GPC5: variants seen among roughly 807,000 people sequenced by gnomAD.
The protein encoded by GPC5 is glypican-5.
A neutral mutation model predicts 53.9 loss-of-function variants in GPC5; 47 were observed. That is an observed-to-expected ratio of 0.87 (90% CI 0.69 to 1.11). The LOEUF is 1.11. Among genes scored for constraint, GPC5 ranks in the 50% most tolerant of loss-of-function variants. The pLI is 0.00. For missense variants in GPC5, 748 were observed against 713.1 expected (o/e 1.05, Z -0.56); for synonymous variants, 286 against 263.3 (o/e 1.09, Z -0.84).
intron 7 of GPC5, among the ~76,000 whole-genome samples, chr13:92,441,093 A>G (rs1877536029): frequency 6.6e-6 from 1 of 151,878 alleles, no homozygotes; most frequent in South Asian, 2.1e-4. Context: ...TTCTTTTGAG[A>G]CAAAGTCTCA....
chr13:91,458,054 T>C (rs1217670808), intron 2 of GPC5, among the ~76,000 whole-genome samples: 1 of 152,014 alleles, frequency 6.6e-6, no homozygotes, highest in East Asian at 1.9e-4. Flanking sequence ...GGGATGGAAA[T>C]ACTAGAGGGC....
chr13:92,710,306 G>A (rs1223870001), intron 7 of GPC5, among the ~76,000 whole-genome samples: 1 of 151,312 alleles, frequency 6.6e-6, no homozygotes, highest in East Asian at 1.9e-4. Context: ...AATAAATGTT[G>A]AACTCACTAA....
chr13:91,963,587 C>A (rs1466999712), intron 6 of GPC5, among the ~76,000 whole-genome samples: 1 of 152,022 alleles, frequency 6.6e-6, no homozygotes, highest in East Asian at 1.9e-4. Context: ...TACTTTACAG[C>A]AGTTAGACAC....
In GPC5 at chr13:91,443,217, G is replaced by C. The variant is rs566683588; in HGVS notation, c.164-5544G>C. On this transcript the variant is annotated intron_variant, in intron 1 of 7. Coordinates refer to ENST00000377067, the MANE Select transcript of GPC5 (RefSeq NM_004466.6). ...AGCTCCCAATGTGATTGTATTTAGA[G>C]ATGGGGCCTTTAAACAGGTAATTAA... Among the ~76,000 whole-genome samples, 7 of 152,278 alleles carry C rather than the reference G, an allele frequency of 4.6e-5. No individual in the cohort carries two copies. In the East Asian group the frequency reaches 1.2e-3, roughly 25 times the overall value.
chr13:92,614,764 G>A (rs1403549536), intron 7 of GPC5, among the ~76,000 whole-genome samples: 1 of 152,150 alleles, frequency 6.6e-6, no homozygotes, highest in African/African-American at 2.4e-5. Context: ...ATGGGTAGGA[G>A]GAGAGACACT....
chr13:91,540,490 C>A lies in GPC5; in HGVS notation c.325+91568C>A, dbSNP rs9589285. ...AGAGAAATGAAGAGTGACTGCTAAC[C>A]GATACAGGGTGTTTTTTGGGGGTGA... is the stretch of plus-strand genomic sequence containing the variant. On this transcript the variant is annotated intron_variant, in intron 2 of 7. Coordinates refer to ENST00000377067, the MANE Select transcript of GPC5 (RefSeq NM_004466.6). 8.7e-3 allele frequency among the ~76,000 whole-genome samples: 1,320 copies of A among 152,236 alleles called. 16 individuals carry two copies. Among genetic ancestry groups the A allele is most frequent in the African/African-American group, 0.031 (1,275 of 41,516 alleles).
chr13:92,859,505 T>C (rs720514), intron 7 of GPC5, among the ~76,000 whole-genome samples: 15,662 of 152,040 alleles, frequency 0.1, 1,455 homozygotes, highest in African/African-American at 0.25. Context: ...AAATAAGATA[T>C]AAAATTTTCT....
intron 2 of GPC5, among the ~76,000 whole-genome samples, chr13:91,450,876 T>A (rs950205281): frequency 6.6e-6 from 1 of 152,148 alleles, no homozygotes; most frequent in Non-Finnish European, 1.5e-5. Context: ...AAGGCTAACT[T>A]TTCTGGAACC....
chr13:91,943,096 T>A (rs527681325), intron 6 of GPC5, among the ~76,000 whole-genome samples: 2 of 152,248 alleles, frequency 1.3e-5, no homozygotes, highest in African/African-American at 4.8e-5. Context: ...TTTGTACTTG[T>A]ACCATAATTA....
chr13:92,161,989 A>ATG (rs2041992372), intron 7 of GPC5, among the ~76,000 whole-genome samples: 5 of 121,590 alleles, frequency 4.1e-5, no homozygotes, highest in Admixed American at 3.5e-4. Context: ...ATATATATAT[A>ATG]TATATATGAA....
At chr13:91,612,365 C>T (rs923819481) in intron 2 of GPC5, among the ~76,000 whole-genome samples, 4 of 152,154 alleles carry the variant, frequency 2.6e-5, no homozygotes, top group African/African-American at 4.8e-5. Context: ...TGCAGTAAGA[C>T]GCATCCAAAA....
chr13:91,829,762 C>T (rs144066732), intron 5 of GPC5, among the ~76,000 whole-genome samples: 3,427 of 152,000 alleles, frequency 0.023, 74 homozygotes, highest in Middle Eastern at 0.051. Flanking sequence ...CATCACATGT[C>T]GGTAGGTTCC....
intron 2 of GPC5, among the ~76,000 whole-genome samples, chr13:91,674,605 A>G (rs367967705): frequency 6.8e-6 from 1 of 147,226 alleles, no homozygotes; most frequent in Non-Finnish European, 1.5e-5. Context: ...ACGCATATAT[A>G]TGCGTATGTG....
intron 7 of GPC5, among the ~76,000 whole-genome samples, chr13:92,433,721 TG>T (rs2139377173): frequency 6.6e-6 from 1 of 152,036 alleles, no homozygotes; most frequent in Admixed American, 6.6e-5. Flanking sequence ...GACTAAGAGG[TG>T]AGTAGGTTAT....
At chr13:92,088,379 G>GA (rs2041352630) in intron 6 of GPC5, among the ~76,000 whole-genome samples, 1 of 152,132 alleles carries the variant, frequency 6.6e-6, no homozygotes, top group South Asian at 2.1e-4. Context: ...AGCTGGATTG[G>GA]GGGACGGGGG....
At chr13:92,082,401 AC>A (rs1462561920) in intron 6 of GPC5, among the ~76,000 whole-genome samples, 12 of 152,108 alleles carry the variant, frequency 7.9e-5, no homozygotes, top group Admixed American at 7.9e-4. Context: ...ATTTCATTTG[AC>A]CAAGGCTAAA....
At chr13:91,685,121 TA>T (rs1566608120) in intron 2 of GPC5, among the ~76,000 whole-genome samples, 4 of 151,890 alleles carry the variant, frequency 2.6e-5, no homozygotes, top group African/African-American at 9.7e-5. Flanking sequence ...ACACTGTCTC[TA>T]CAAACAAACA....
chr13:92,115,497 C>G (rs1385799400), intron 6 of GPC5, among the ~76,000 whole-genome samples: 1 of 152,152 alleles, frequency 6.6e-6, no homozygotes, highest in Admixed American at 6.5e-5. Flanking sequence ...GAATGAGACT[C>G]CATCTCAAAA....
chr13:92,282,681 C>T (rs1215889869), intron 7 of GPC5, among the ~76,000 whole-genome samples: 1 of 152,100 alleles, frequency 6.6e-6, no homozygotes, highest in Non-Finnish European at 1.5e-5. Flanking sequence ...GCTTTACAGA[C>T]AAGCAAATGC....
Sources: gnomAD v4.1 joint callset for allele counts (sites outside exome capture counted in the v4.1 genomes callset) on GRCh38, gnomAD v4.1.1 for gene constraint, MANE v1.5 for transcripts, NCBI Gene and HGNC (gene_info 2026-07-23, HGNC 2026-07-21) for gene names.